The following SFI1 variants were observed in gnomAD, a reference collection of about 807,000 sequenced individuals.
SFI1 encodes the protein SFI1 centrin binding protein.
A neutral mutation model predicts 207.5 loss-of-function variants in SFI1; 195 were observed. That is an observed-to-expected ratio of 0.94 (90% CI 0.84 to 1.06). The LOEUF is 1.06. Ranked by LOEUF, SFI1 falls within the 50% of genes least tolerant of loss-of-function variation. The pLI, the probability that SFI1 is intolerant of heterozygous loss-of-function variation, is 0.00. For missense variants in SFI1, 1,634 were observed against 1,588.0 expected (o/e 1.03, Z -0.49); for synonymous variants, 630 against 598.9 (o/e 1.05, Z -0.76).
chr22:31,598,782 A>G (rs1156716608), intron 15 of SFI1, among the ~76,000 whole-genome samples: 1 of 95,988 alleles, frequency 1.0e-5, no homozygotes, highest in East Asian at 3.4e-4. Context: ...GATACAGTCC[A>G]GTTTATCTTT....
rs117210909 is a variant in SFI1 at position 31,549,645 on chromosome 22, G to A, written c.450-609G>A. Among the ~76,000 whole-genome samples, 455 of 152,154 alleles carry A rather than the reference G, an allele frequency of 3.0e-3. 2 individuals are homozygous for A. Among genetic ancestry groups the A allele is most frequent in the Admixed American group, 4.7e-3 (72 of 15,280 alleles). On this transcript the variant is annotated intron_variant, in intron 5 of 32. Transcript: ENST00000400288. ...CTCCCAGAGTGCTGAGATTACAGGC[G>A]TGAGCTACTGTGCCTGGCCCAAACA...
intron 1 of SFI1, among the ~76,000 whole-genome samples, chr22:31,500,252 C>T (rs545559452): frequency 3.7e-5 from 5 of 133,826 alleles, no homozygotes; most frequent in South Asian, 2.4e-4. Flanking sequence ...GAGCTGAGAT[C>T]GCACCACAGA....
At chr22:31,581,893 C>G (rs1254618570) in intron 12 of SFI1, among the ~76,000 whole-genome samples, 1 of 151,916 alleles carries the variant, frequency 6.6e-6, no homozygotes, top group Non-Finnish European at 1.5e-5. Flanking sequence ...CATCATGACA[C>G]TTTGCACCTA....
intron 8 of SFI1, among the ~76,000 whole-genome samples, chr22:31,568,674 C>T (rs187676614): frequency 6.6e-6 from 1 of 151,540 alleles, no homozygotes; most frequent in Non-Finnish European, 1.5e-5. Flanking sequence ...GATTATAGGT[C>T]CGGGGCAGGA....
At position 31,602,722 on chromosome 22, in the gene SFI1, G is replaced by A. The variant is rs776144101; in HGVS notation, c.1742G>A (p.Arg581His). 65 of 1,614,006 alleles carry A rather than the reference G, an allele frequency of 4.0e-5. No individual in the cohort carries two copies. The highest frequency in any genetic ancestry group is 4.0e-4 in the Admixed American group (24 of 60,010). The change falls in exon 17 of 33, where the codon CGC (arginine) becomes CAC (histidine). Residue 581 changes from arginine to histidine, a missense_variant. Coordinates refer to ENST00000400288, the MANE Select transcript of SFI1 (RefSeq NM_001007467.3). ...EWQTVACAHH[R>H]HGRLKKAFCL... ...CAAACAGTGGCCTGTGCCCACCACC[G>A]CCACGGGCGGCTCAAGAAAGCTTTC...
chr22:31,510,262 A>G (rs2055299848), intron 2 of SFI1, among the ~76,000 whole-genome samples: 1 of 152,064 alleles, frequency 6.6e-6, no homozygotes, highest in Non-Finnish European at 1.5e-5. Flanking sequence ...TGGCACGATC[A>G]CAGCTCAGTG....
chr22:31,614,552 GGTT>G (rs2071020349), intron 27 of SFI1: 2 of 688,996 alleles, frequency 2.9e-6, no homozygotes, highest in Middle Eastern at 4.7e-4. Flanking sequence ...GCGTCACCAG[GGTT>G]GTTCTGCAGG....
At chr22:31,614,363 C>T (rs2070972046) in intron 27 of SFI1, 1 of 374,468 alleles carries the variant, frequency 2.7e-6, no homozygotes, top group Non-Finnish European at 5.2e-6. Context: ...AAGCTGGTGG[C>T]TCCCACAGCA....
At chr22:31,618,292 G>GT (rs1168243482) in intron 32 of SFI1, 22 bp from the exon 33 acceptor site, 21 of 1,606,346 alleles carry the variant, frequency 1.3e-5, no homozygotes, top group Non-Finnish European at 1.8e-5. Context: ...TCTCAGCCCT[G>GT]CCTGTCCCTC....
intron 8 of SFI1, among the ~76,000 whole-genome samples, chr22:31,567,412 G>A (rs2062433384): frequency 6.6e-6 from 1 of 152,182 alleles, no homozygotes; most frequent in South Asian, 2.1e-4. Flanking sequence ...AAAAGGCTTT[G>A]ACTTTTATTC....
intron 15 of SFI1, among the ~76,000 whole-genome samples, chr22:31,598,797 T>C: frequency 8.1e-6 from 1 of 122,818 alleles, no homozygotes; most frequent in Non-Finnish European, 1.7e-5. Context: ...ATCTTTTTTT[T>C]TTTTTTTTTT....
chr22:31,574,505 C>T (rs1010131815), intron 9 of SFI1, among the ~76,000 whole-genome samples: 4 of 152,196 alleles, frequency 2.6e-5, no homozygotes, highest in East Asian at 1.9e-4. Flanking sequence ...CCTATGCCAG[C>T]GTGGCAACTG....
chr22:31,582,805 T>C (rs1472830011), intron 12 of SFI1, among the ~76,000 whole-genome samples: 2 of 152,212 alleles, frequency 1.3e-5, no homozygotes, highest in Non-Finnish European at 2.9e-5. Flanking sequence ...TGGAATCATA[T>C]AGTATTTGTC....
intron 11 of SFI1, 49 bp downstream of exon 11, chr22:31,578,501 G>A: frequency 1.3e-6 from 2 of 1,575,512 alleles, no homozygotes; most frequent in Non-Finnish European, 1.7e-6. Context: ...CCTTGCTTGG[G>A]TATCCACTCT....
chr22:31,529,611 G>C (rs1305128077), intron 3 of SFI1, among the ~76,000 whole-genome samples: 1 of 152,152 alleles, frequency 6.6e-6, no homozygotes, highest in Admixed American at 6.6e-5. Context: ...AGATCATCTT[G>C]GTTTATGACT....
chr22:31,546,829 C>CAT (rs759383901), intron 4 of SFI1, 32 bp from the exon 5 acceptor site: 801 of 1,384,002 alleles, frequency 5.8e-4, no homozygotes, highest in Admixed American at 8.0e-4. Context: ...CCAACATCAT[C>CAT]ATATATATAT....
intron 27 of SFI1, chr22:31,614,216 T>C: frequency 5.8e-6 from 2 of 342,308 alleles, no homozygotes; most frequent in South Asian, 3.9e-5. Context: ...CCTGCCGGCC[T>C]CTCTTCTGCT....
intron 11 of SFI1, 69 bp downstream of exon 11, chr22:31,578,521 C>G: frequency 4.8e-6 from 7 of 1,452,942 alleles, no homozygotes; most frequent in Non-Finnish European, 6.6e-6. Flanking sequence ...TTGGGGGACC[C>G]TGACCCCTAT....
At chr22:31,548,038 C>T (rs147789692) in intron 5 of SFI1, among the ~76,000 whole-genome samples, 15,251 of 151,074 alleles carry the variant, frequency 0.1, 916 homozygotes, top group Admixed American at 0.16. Context: ...CATGGTGAAA[C>T]CCCGTCTCTA....
Sources: allele counts gnomAD v4.1 joint callset (sites outside exome capture counted in the v4.1 genomes callset), GRCh38; gene constraint gnomAD v4.1.1; transcripts MANE v1.5; gene names NCBI Gene and HGNC (gene_info 2026-07-23, HGNC 2026-07-21).